Variants in ATAD2 observed in about 807,000 individuals in gnomAD.
ATAD2 encodes the protein ATPase family AAA domain containing 2.
Under a neutral mutation model 168.9 loss-of-function variants are expected in ATAD2, and 62 were observed. The ratio of observed to expected loss-of-function variants is 0.37; its 90% CI spans 0.30 to 0.45. The LOEUF (loss-of-function observed/expected upper bound fraction) is 0.45. Among genes scored for constraint, ATAD2 ranks in the 20% least tolerant of loss-of-function variants. The pLI is 1.00. For missense variants in ATAD2, 1,419 were observed against 1,667.8 expected (o/e 0.85, Z 2.60); for synonymous variants, 613 against 571.6 (o/e 1.07, Z -1.03).
chr8:123,391,886 A>C (rs919853945), intron 1 of ATAD2, among the ~76,000 whole-genome samples: 1 of 152,298 alleles, frequency 6.6e-6, no homozygotes, highest in African/African-American at 2.4e-5. Flanking sequence ...TGTGATTATA[A>C]TTTGGTCTAC....
At chr8:123,355,314 A>AGTAT (rs1484095772) in intron 13 of ATAD2, among the ~76,000 whole-genome samples, 2 of 152,214 alleles carry the variant, frequency 1.3e-5, no homozygotes, top group Non-Finnish European at 2.9e-5. Context: ...AAACAATACT[A>AGTAT]CTAGCATATA....
In ATAD2 at chr8:123,320,324, A is replaced by G. The variant is rs565474215; in HGVS notation, c.*810T>C. ...GTATTTTTGGTACCATTAATATAAA[A>G]TTATAATATTTATATTTATAAAATT... On this transcript the variant is annotated 3_prime_UTR_variant, in exon 28 of 28. Transcript: ENST00000287394. 4 of 151,456 alleles carry G rather than the reference A, an allele frequency of 2.6e-5. No individual in the cohort carries two copies. The highest frequency in any genetic ancestry group is 5.9e-5 in the Non-Finnish European group (4 of 67,860). The allele number at this position is 151,456 out of a possible 1,614,324, so 9.4% of individuals were successfully genotyped here. A position where few individuals can be genotyped will look rare whatever the true frequency, so the allele number is the denominator to read the frequency against.
At chr8:123,355,854 A>G (rs934331605) in intron 13 of ATAD2, among the ~76,000 whole-genome samples, 5 of 152,164 alleles carry the variant, frequency 3.3e-5, no homozygotes, top group Admixed American at 2.6e-4. Flanking sequence ...TGTTTCTATC[A>G]TGAGTTAAAT....
chr8:123,414,173 A>G (rs1813205928), intron 1 of ATAD2, among the ~76,000 whole-genome samples: 1 of 151,288 alleles, frequency 6.6e-6, no homozygotes, highest in African/African-American at 2.4e-5. Context: ...AAAAAATCAT[A>G]GTTGCTAACA....
chr8:123,394,643 A>G (rs563682902), intron 1 of ATAD2, among the ~76,000 whole-genome samples: 4 of 152,316 alleles, frequency 2.6e-5, no homozygotes, highest in African/African-American at 9.6e-5. Context: ...TCGAAGAAAA[A>G]AAAAAGAGCC....
chr8:123,369,251 T>C, intron 7 of ATAD2, 76 bp from the exon 8 acceptor site: 2 of 537,860 alleles, frequency 3.7e-6, no homozygotes, highest in South Asian at 5.8e-5. Flanking sequence ...AAGATAATTT[T>C]GCTCTTCATC....
chr8:123,396,403 A>AG lies in ATAD2; in HGVS notation c.-47dup. On this transcript the variant is annotated 5_prime_UTR_variant, in exon 1 of 28. Transcript: ENST00000287394. Reference sequence around the variant, plus strand: ...GGCGTGCGCGACCGGAGAGAGATCCAGCTCCAGGCGCTCGCAGCTCTGGCT... The same window carrying AG: ...GGCGTGCGCGACCGGAGAGAGATCCAGGCTCCAGGCGCTCGCAGCTCTGGCT... 6.7e-7 allele frequency: 1 copy of AG among 1,491,060 alleles called. No individual in the cohort carries two copies. Among genetic ancestry groups the AG allele is most frequent in the Non-Finnish European group, 8.9e-7 (1 of 1,123,864 alleles). The allele number at this position is 1,491,060 out of a possible 1,614,324, so 92.4% of individuals were successfully genotyped here. A position where few individuals can be genotyped will look rare whatever the true frequency, so the allele number is the denominator to read the frequency against.
At chr8:123,330,757 C>T (rs1486120988) in intron 24 of ATAD2, among the ~76,000 whole-genome samples, 1 of 152,168 alleles carries the variant, frequency 6.6e-6, no homozygotes, top group Admixed American at 6.6e-5. Context: ...ATAATGACTT[C>T]ATTTTTTCTT....
chr8:123,339,268 T>G, intron 20 of ATAD2, 43 bp downstream of exon 20: 1 of 1,428,914 alleles, frequency 7.0e-7, no homozygotes, highest in Non-Finnish European at 9.5e-7. Context: ...TCATTCCTAC[T>G]TTCTCAAAAT....
chr8:123,409,708 CTG>C (rs1049135663), intron 1 of ATAD2, among the ~76,000 whole-genome samples: 1 of 151,906 alleles, frequency 6.6e-6, no homozygotes, highest in African/African-American at 2.4e-5. Context: ...GGGCTCGCGT[CTG>C]TAATCCCAGC....
At position 123,401,706 on chromosome 8, in the gene ATAD2, G is replaced by A. The variant is rs1435912942; in HGVS notation, c.-2281-531C>T. 6 of 748,810 alleles carry A rather than the reference G, an allele frequency of 8.0e-6. No individual in the cohort carries two copies. The Admixed American group carries it at 9.4e-5, about 12-fold the overall frequency. The allele number at this position is 748,810 out of a possible 1,614,324, so 46.4% of individuals were successfully genotyped here. A position where few individuals can be genotyped will look rare whatever the true frequency, so the allele number is the denominator to read the frequency against. The stretch of plus-strand genomic sequence containing the variant: ...GGGCACGTCAAGGTGCCGGCCCTTG[G>A]TGCCTCCATAGTGATGATGGGCTCC... On this transcript the variant is annotated intron_variant, in intron 1 of 28. Transcript: ENST00000521903.
chr8:123,333,109 C>T lies in ATAD2; in HGVS notation c.3478+769G>A, dbSNP rs549212317. Among the ~76,000 whole-genome samples, 8 of 151,930 alleles carry T rather than the reference C, an allele frequency of 5.3e-5. No individual in the cohort carries two copies. The South Asian group carries it at 1.7e-3, about 32-fold the overall frequency. On this transcript the variant is annotated intron_variant, in intron 24 of 27. Coordinates refer to ENST00000287394, the MANE Select transcript of ATAD2 (RefSeq NM_014109.4). ...GATCTAAAAAGGTAGTGAGGAATGG[C>T]CAGGCGCAGTGGCTCACGCCTGTAA...
In ATAD2 at chr8:123,396,147, CG is replaced by C. The variant is rs1192968652; in HGVS notation, c.171+39del. ...AGCGCCGGGCTGCCGGCAGTCCCCC[CG>C]GGAACCGCCCTGGGAGCCCGCCTCA... On this transcript the variant is annotated intron_variant, in intron 1 of 27. Transcript: ENST00000287394. The C allele has an allele frequency of 2.6e-6, 4 of 1,518,276 alleles. No homozygotes were observed. The South Asian group carries it at 3.6e-5, about 14-fold the overall frequency. 94.1% of individuals were successfully genotyped at this position (1,518,276 alleles called of 1,614,324 possible).
At chr8:123,325,294 A>T (rs112465487) in intron 26 of ATAD2, among the ~76,000 whole-genome samples, 3,289 of 143,694 alleles carry the variant, frequency 0.023, 99 homozygotes, top group African/African-American at 0.07. Context: ...TTATTTATTT[A>T]TTTTTTTTTT....
chr8:123,397,293 T>G (rs1054100085), upstream of ATAD2, among the ~76,000 whole-genome samples: 28 of 145,084 alleles, frequency 1.9e-4, no homozygotes, highest in Non-Finnish European at 2.7e-4. Flanking sequence ...AGAGCAGGAC[T>G]CCCAGTTAAA....
In ATAD2 at chr8:123,401,552, C is replaced by T. The variant is rs537286383; in HGVS notation, c.-2281-377G>A. 4.3e-4 allele frequency: 656 copies of T among 1,525,566 alleles called. No homozygotes were observed. In the African/African-American group the frequency reaches 6.6e-3, roughly 15 times the overall value. 94.5% of individuals were successfully genotyped at this position (1,525,566 alleles called of 1,614,324 possible). On this transcript the variant is annotated intron_variant, in intron 1 of 28. Coordinates refer to the ATAD2 transcript ENST00000521903. The stretch of plus-strand genomic sequence containing the variant: ...ACGGGCTGTGTGTGGGCATAGGCTG[C>T]GGCTCCCTCTGCATCACCCAGGAAG...
At chr8:123,334,044 G>A (rs1350145665) in intron 23 of ATAD2, 23 bp from the exon 24 acceptor site, 5 of 1,591,332 alleles carry the variant, frequency 3.1e-6, no homozygotes, top group Non-Finnish European at 4.3e-6. Context: ...TATGTGGGAT[G>A]TCAAAAGGAT....
At chr8:123,337,081 G>C (rs564788519) in intron 21 of ATAD2, among the ~76,000 whole-genome samples, 6 of 151,532 alleles carry the variant, frequency 4.0e-5, no homozygotes, top group Middle Eastern at 3.4e-3. Context: ...AAAAAGGGGG[G>C]GCCGAGCATG....
At chr8:123,340,409 T>C (rs1238254480) in intron 19 of ATAD2, among the ~76,000 whole-genome samples, 1 of 152,036 alleles carries the variant, frequency 6.6e-6, no homozygotes, top group African/African-American at 2.4e-5. Context: ...AATTTGGTGG[T>C]TTCTCAAAGT....
Sources: gnomAD v4.1 joint callset for allele counts (sites outside exome capture counted in the v4.1 genomes callset) on GRCh38, gnomAD v4.1.1 for gene constraint, MANE v1.5 for transcripts, NCBI Gene and HGNC (gene_info 2026-07-23, HGNC 2026-07-21) for gene names.